Variants in SASH1 observed in about 807,000 individuals in gnomAD.
SASH1 encodes SAM and SH3 domain-containing protein 1.
In SASH1, 44 loss-of-function variants were observed where a neutral mutation model predicts 125.2. The ratio of observed to expected loss-of-function variants is 0.35; its 90% CI spans 0.28 to 0.45. The LOEUF (loss-of-function observed/expected upper bound fraction) is 0.45, where lower values mean the gene tolerates loss of function less well. SASH1 is among the 20% of genes least tolerant of loss of function. The probability of loss-of-function intolerance (pLI) is 1.00; values close to 1 mark genes in which losing one functional copy is unlikely to be tolerated. For synonymous variants in SASH1, 639 were observed against 649.1 expected, an observed-to-expected ratio of 0.98 and a Z score of 0.24; for missense variants, 1,426 against 1,614.5, an observed-to-expected ratio of 0.88 and a Z score of 2.00.
chr6:148,482,524 CTTT>C (rs766327821), intron 7 of SASH1, among the ~76,000 whole-genome samples: 1 of 141,942 alleles, frequency 7.0e-6, no homozygotes. Flanking sequence ...GCATGGTGAA[CTTT>C]TTTTTTTTTT....
rs1353123824 is a variant in SASH1 at position 148,548,729 on chromosome 6, G to A, written c.*171G>A. 1.1e-5 allele frequency: 7 copies of A among 637,288 alleles called. No individual in the cohort carries two copies. The highest frequency in any genetic ancestry group is 8.9e-4 in the Middle Eastern group (2 of 2,252). The allele number at this position is 637,288 out of a possible 1,614,324, so 39.5% of individuals were successfully genotyped here. On this transcript the variant is annotated 3_prime_UTR_variant, in exon 20 of 20. Transcript: ENST00000367467. Reference sequence around the variant, plus strand: ...ACAGGACTGAGGATCCTCTCCTCCAGAAAAGCCCCCTCGAGGAAATAAATT... The same window carrying A: ...ACAGGACTGAGGATCCTCTCCTCCAAAAAAGCCCCCTCGAGGAAATAAATT...
chr6:148,548,551 C>T lies in SASH1; in HGVS notation c.3737C>T (p.Ala1246Val). 6.3e-7 allele frequency: 1 copy of T among 1,599,910 alleles called. No homozygotes were observed. Residue 1246 changes from alanine to valine, a missense_variant, in exon 20 of 20, where the codon GCC (alanine) becomes GTC (valine). Around this residue, in one of 3 missense-constraint regions of SASH1, gnomAD observed 634 missense variants for 694.4 expected, o/e 0.91. Transcript: ENST00000367467. ...RLFKLPPGPE[A>V]M Reference sequence around the variant, plus strand: ...TTCAAACTGCCGCCAGGCCCTGAGGCCATGTAGCCAGGCCCGGAATGGGCC... The same window carrying T: ...TTCAAACTGCCGCCAGGCCCTGAGGTCATGTAGCCAGGCCCGGAATGGGCC...
At chr6:148,537,809 TG>T (rs1374440441) in intron 16 of SASH1, among the ~76,000 whole-genome samples, 1 of 146,208 alleles carries the variant, frequency 6.8e-6, no homozygotes, top group Non-Finnish European at 1.5e-5. Context: ...TGTGTGTGTG[TG>T]TGTGTGTGTG....
chr6:148,331,469 A>G (rs920791007), intron 1 of SASH1, among the ~76,000 whole-genome samples: 15 of 152,074 alleles, frequency 9.9e-5, no homozygotes, highest in African/African-American at 3.6e-4. Flanking sequence ...GGCTGGGATT[A>G]CAGGTTCCTG....
At chr6:148,414,955 A>T (rs147692735) in intron 2 of SASH1, among the ~76,000 whole-genome samples, 90 of 152,300 alleles carry the variant, frequency 5.9e-4, no homozygotes, top group African/African-American at 2.0e-3. Context: ...CTTGGAGCTT[A>T]CATTCTACTG....
chr6:148,297,745 G>T (rs944543539), intron 1 of SASH1, among the ~76,000 whole-genome samples: 1 of 150,960 alleles, frequency 6.6e-6, no homozygotes, highest in Non-Finnish European at 1.5e-5. Context: ...CAGGAGAATT[G>T]CTTGAACCTG....
chr6:148,355,537 A>G (rs577889681), intron 1 of SASH1, among the ~76,000 whole-genome samples: 7 of 152,360 alleles, frequency 4.6e-5, no homozygotes, highest in Admixed American at 2.0e-4. Context: ...TTTCAACAGA[A>G]GAAAATGTCA....
chr6:148,312,651 A>ATTAGTAGAAG (rs1780363127), intron 1 of SASH1, among the ~76,000 whole-genome samples: 1 of 152,234 alleles, frequency 6.6e-6, no homozygotes, highest in Non-Finnish European at 1.5e-5. Context: ...TGAAAACAGA[A>ATTAGTAGAAG]TTAGTAGAAG....
chr6:148,521,790 A>T (rs1375907202), intron 10 of SASH1, among the ~76,000 whole-genome samples: 1 of 152,212 alleles, frequency 6.6e-6, no homozygotes, highest in Non-Finnish European at 1.5e-5. Context: ...GAAGTGTTCT[A>T]CCCAATTCAT....
chr6:148,437,419 A>G (rs1373143669), intron 2 of SASH1, among the ~76,000 whole-genome samples: 1 of 152,268 alleles, frequency 6.6e-6, no homozygotes, highest in Non-Finnish European at 1.5e-5. Flanking sequence ...ACAAGTCACT[A>G]GAAATATCAC....
the SASH1 span, among the ~76,000 whole-genome samples, chr6:148,240,971 A>AT: frequency 8.2e-3 from 1,251 of 152,178 alleles, 16 homozygotes; most frequent in African/African-American, 0.029. Flanking sequence ...CATAGTCACC[A>AT]TTTTTTTAAA....
intron 7 of SASH1, among the ~76,000 whole-genome samples, chr6:148,486,010 T>G (rs1354800310): frequency 6.6e-6 from 1 of 152,254 alleles, no homozygotes; most frequent in Non-Finnish European, 1.5e-5. Flanking sequence ...CATATGCCAT[T>G]CTGAAAGATC....
chr6:148,393,888 CTTTTT>C (rs67180276), intron 2 of SASH1: 6 of 108,784 alleles, frequency 5.5e-5, no homozygotes, highest in South Asian at 3.7e-4. Context: ...CTCTCTCTCT[CTTTTT>C]TTTTTTTTTT....
intron 10 of SASH1, chr6:148,524,770 C>G (rs1196358272): frequency 6.5e-6 from 1 of 152,950 alleles, no homozygotes; most frequent in Non-Finnish European, 1.5e-5. Flanking sequence ...ACATAACCTT[C>G]TCCCCCCCTC....
the SASH1 span, among the ~76,000 whole-genome samples, chr6:148,226,427 T>G: frequency 6.6e-6 from 1 of 152,158 alleles, no homozygotes; most frequent in Non-Finnish European, 1.5e-5. Flanking sequence ...ACATACACAT[T>G]TAATCGTTCA....
intron 5 of SASH1, among the ~76,000 whole-genome samples, chr6:148,470,672 G>A (rs189999238): frequency 6.6e-5 from 10 of 152,258 alleles, no homozygotes; most frequent in South Asian, 6.2e-4. Flanking sequence ...GAAAGTCACC[G>A]CAGTCATCTG....
chr6:148,499,885 T>C (rs1163706715), intron 8 of SASH1, among the ~76,000 whole-genome samples: 2 of 152,206 alleles, frequency 1.3e-5, no homozygotes, highest in African/African-American at 2.4e-5. Context: ...TGTTTCCTTA[T>C]TTCTGCAAAC....
At chr6:148,372,314 T>C (rs562048100) in intron 1 of SASH1, among the ~76,000 whole-genome samples, 3 of 152,358 alleles carry the variant, frequency 2.0e-5, no homozygotes, top group South Asian at 2.1e-4. Flanking sequence ...ATAAAACTAA[T>C]AAACTACATA....
intron 4 of SASH1, among the ~76,000 whole-genome samples, chr6:148,444,579 T>G (rs911419492): frequency 1.3e-5 from 2 of 152,216 alleles, no homozygotes; most frequent in African/African-American, 2.4e-5. Context: ...CATCCTTATT[T>G]TCTTACACTA....
Sources: allele counts gnomAD v4.1 joint callset (sites outside exome capture counted in the v4.1 genomes callset), GRCh38; gene constraint gnomAD v4.1.1; regional missense constraint gnomAD v4.1.1; transcripts MANE v1.5; gene names NCBI Gene and HGNC (gene_info 2026-07-23, HGNC 2026-07-21).